CAMK2B: variants seen among roughly 807,000 people sequenced by gnomAD.
The protein encoded by CAMK2B is calcium/calmodulin dependent protein kinase II beta.
CAMK2B carries 27 observed loss-of-function variants against 93.7 expected under a neutral mutation model. That is an observed-to-expected ratio of 0.29 (90% CI 0.21 to 0.40). The LOEUF (loss-of-function observed/expected upper bound fraction) is 0.40, where lower values mean the gene tolerates loss of function less well. CAMK2B is among the 10% of genes least tolerant of loss of function. The pLI is 1.00. For missense variants in CAMK2B, 568 were observed against 895.8 expected (o/e 0.63, Z 4.67); for synonymous variants, 374 against 358.8 (o/e 1.04, Z -0.48).
chr7:44,251,592 G>A (rs573595102), intron 5 of CAMK2B, among the ~76,000 whole-genome samples: 3 of 152,296 alleles, frequency 2.0e-5, no homozygotes, highest in East Asian at 1.9e-4. Context: ...ATCACTGCCC[G>A]GATCCTGGCA....
In CAMK2B at chr7:44,312,188, T is replaced by C. The variant is rs1166368924; in HGVS notation, c.65+13169A>G. Among the ~76,000 whole-genome samples, 2 of 152,154 alleles carry C rather than the reference T, an allele frequency of 1.3e-5. No homozygotes were observed. The highest frequency in any genetic ancestry group is 2.9e-5 in the Non-Finnish European group (2 of 68,024). Reference sequence around the variant, plus strand: ...GTCCATCCACACTCCAGAGCCTCCATCCTTGGTGCCAGAAAGTGGAGGTGA... The same window carrying C: ...GTCCATCCACACTCCAGAGCCTCCACCCTTGGTGCCAGAAAGTGGAGGTGA... On this transcript the variant is annotated intron_variant, in intron 1 of 23. Coordinates refer to ENST00000395749, the MANE Select transcript of CAMK2B (RefSeq NM_001220.5). The surrounding 1 kb of genome is among the most constrained non-coding windows in gnomAD (Gnocchi z 4.1).
At chr7:44,303,176 C>T (rs954722609) in intron 1 of CAMK2B, among the ~76,000 whole-genome samples, 13 of 152,054 alleles carry the variant, frequency 8.5e-5, no homozygotes, top group African/African-American at 3.1e-4. Flanking sequence ...AAGTGAAATA[C>T]TTAGGTATAA....
At chr7:44,229,205 C>T in intron 18 of CAMK2B, 183 bp downstream of exon 18, 1 of 609,762 alleles carries the variant, frequency 1.6e-6, no homozygotes, top group Non-Finnish European at 3.0e-6. Context: ...CAGGGCCCTC[C>T]TCACAAAGAG....
chr7:44,250,046 C>T (rs896008547), intron 5 of CAMK2B, among the ~76,000 whole-genome samples: 4 of 152,344 alleles, frequency 2.6e-5, no homozygotes, highest in South Asian at 4.1e-4. Flanking sequence ...TCCATTGTCA[C>T]GCAGCCTCCA....
intron 3 of CAMK2B, among the ~76,000 whole-genome samples, chr7:44,260,603 G>T (rs149860279): frequency 2.0e-5 from 3 of 152,192 alleles, no homozygotes; most frequent in African/African-American, 7.2e-5. Context: ...CAGGGTGGCC[G>T]TGAAGATCAA....
At chr7:44,260,376 C>G (rs2096870059) in intron 3 of CAMK2B, among the ~76,000 whole-genome samples, 1 of 152,176 alleles carries the variant, frequency 6.6e-6, no homozygotes, top group Non-Finnish European at 1.5e-5. Context: ...TGGACTCCAG[C>G]AGCCCCATAC....
intron 5 of CAMK2B, among the ~76,000 whole-genome samples, chr7:44,252,908 T>C (rs572264435): frequency 8.8e-4 from 134 of 152,348 alleles, no homozygotes; most frequent in Admixed American, 3.5e-3. Flanking sequence ...TCCAGGCTGT[T>C]CTGCAAACTA....
At chr7:44,315,750 T>C (rs921961050) in intron 1 of CAMK2B, among the ~76,000 whole-genome samples, 1 of 152,170 alleles carries the variant, frequency 6.6e-6, no homozygotes, top group Non-Finnish European at 1.5e-5. Context: ...TCAACAGTGG[T>C]TTGTGGTTTT....
At chr7:44,234,059 T>C (rs2096603315) in intron 15 of CAMK2B, among the ~76,000 whole-genome samples, 1 of 152,144 alleles carries the variant, frequency 6.6e-6, no homozygotes, top group Non-Finnish European at 1.5e-5. Context: ...ATCTTCTGCC[T>C]CACTGACTTC....
Position 44,248,528 on chromosome 7 carries a change from G to C in CAMK2B, c.342-1336C>G, listed in dbSNP as rs1469523161. On this transcript the variant is annotated intron_variant, in intron 5 of 23. Transcript: ENST00000395749. The surrounding 1 kb of genome is among the most constrained non-coding windows in gnomAD (Gnocchi z 4.1). ...ACAGGCTGCCGATGCCCACCTGCCT[G>C]GGGTCTCAGTCACCGCCCCACTGGG... 6.6e-6 allele frequency among the ~76,000 whole-genome samples: 1 copy of C among 152,230 alleles called. No individual in the cohort carries two copies. Among genetic ancestry groups the C allele is most frequent in the African/African-American group, 2.4e-5 (1 of 41,460 alleles).
intron 1 of CAMK2B, among the ~76,000 whole-genome samples, chr7:44,292,962 C>T (rs983780101): frequency 1.3e-5 from 2 of 152,246 alleles, no homozygotes; most frequent in Non-Finnish European, 2.9e-5. Context: ...CAGCAGCAGC[C>T]ACTGCCCTGG....
chr7:44,284,680 A>G (rs1327035353), intron 1 of CAMK2B, among the ~76,000 whole-genome samples: 1 of 152,212 alleles, frequency 6.6e-6, no homozygotes, highest in Non-Finnish European at 1.5e-5. Flanking sequence ...TCTTCCCCAG[A>G]GGCAAATAAA....
At chr7:44,220,371 A>T (rs2128859222) in intron 22 of CAMK2B, 77 bp from the exon 23 acceptor site, 2 of 1,171,454 alleles carry the variant, frequency 1.7e-6, no homozygotes, top group East Asian at 4.9e-5. Flanking sequence ...CACCAGCCTA[A>T]TCCTTTCCCT....
chr7:44,228,299 G>A (rs1383158468), intron 19 of CAMK2B, among the ~76,000 whole-genome samples: 2 of 152,070 alleles, frequency 1.3e-5, no homozygotes, highest in Non-Finnish European at 2.9e-5. Context: ...CCTGGTCGGG[G>A]TTCCAGTTTT....
chr7:44,239,790 A>G (rs2096659430), intron 12 of CAMK2B, 127 bp from the exon 13 acceptor site: 5 of 678,102 alleles, frequency 7.4e-6, no homozygotes, highest in Non-Finnish European at 1.3e-5. Context: ...TTTAGGTGAC[A>G]GATGGTTCCA....
intron 11 of CAMK2B, 115 bp from the exon 12 acceptor site, chr7:44,240,864 C>T (rs904405275): frequency 3.2e-5 from 34 of 1,069,656 alleles, no homozygotes; most frequent in Non-Finnish European, 4.7e-5. Context: ...TGTCATGAGG[C>T]TGACATGACC....
At chr7:44,283,332 G>A (rs1389193114) in intron 2 of CAMK2B, among the ~76,000 whole-genome samples, 1 of 151,960 alleles carries the variant, frequency 6.6e-6, no homozygotes, top group East Asian at 1.9e-4. Context: ...CAAGGGCAGG[G>A]AGACCCCGTG....
intron 23 of CAMK2B, 108 bp downstream of exon 23, chr7:44,219,952 G>T: frequency 3.0e-6 from 2 of 662,288 alleles, no homozygotes; most frequent in Non-Finnish European, 4.4e-6. Context: ...GACTTCCCAG[G>T]CATGGCTCTG....
chr7:44,299,428 A>G (rs1563066032), intron 1 of CAMK2B, among the ~76,000 whole-genome samples: 1 of 152,212 alleles, frequency 6.6e-6, no homozygotes, highest in Non-Finnish European at 1.5e-5. Context: ...CAGTTGGGGA[A>G]GATGAAAAAA....
Sources: gnomAD v4.1 joint callset for allele counts (sites outside exome capture counted in the v4.1 genomes callset) on GRCh38, gnomAD v4.1.1 for gene constraint, Gnocchi (gnomAD v3.1) non-coding constraint, MANE v1.5 for transcripts, NCBI Gene and HGNC (gene_info 2026-07-23, HGNC 2026-07-21) for gene names.